The following CLVS1 variants were observed in gnomAD, a reference collection of about 807,000 sequenced individuals.
CLVS1 encodes clavesin 1, also known as clavesin-1.
Under a neutral mutation model 33.1 loss-of-function variants are expected in CLVS1, and 10 were observed. The observed-to-expected ratio is 0.30, with a 90% confidence interval of 0.19 to 0.51. The LOEUF is 0.51. Ranked by LOEUF, CLVS1 falls within the 20% of genes least tolerant of loss-of-function variation. The pLI, the probability that CLVS1 is intolerant of heterozygous loss-of-function variation, is 0.97. For synonymous variants in CLVS1, 163 were observed against 166.1 expected, an observed-to-expected ratio of 0.98 and a Z score of 0.14; for missense variants, 343 against 433.4, an observed-to-expected ratio of 0.79 and a Z score of 1.85.
intron 5 of CLVS1, among the ~76,000 whole-genome samples, chr8:61,475,138 A>G (rs1273228969): frequency 1.3e-5 from 2 of 152,140 alleles, no homozygotes; most frequent in African/African-American, 4.8e-5. Flanking sequence ...ATCATTTTTT[A>G]TGGCTGCATA....
At chr8:61,135,741 G>A (rs1286417957) in intron 2 of CLVS1, among the ~76,000 whole-genome samples, 6 of 152,184 alleles carry the variant, frequency 3.9e-5, no homozygotes, top group Admixed American at 6.5e-5. Context: ...TGATCTGGGG[G>A]TCTTTAGCAT....
chr8:61,396,971 A>C (rs1204742869), intron 3 of CLVS1, among the ~76,000 whole-genome samples: 1 of 152,186 alleles, frequency 6.6e-6, no homozygotes, highest in Non-Finnish European at 1.5e-5. Context: ...ACTGCAGGCT[A>C]TCATGAATAA....
At chr8:61,075,425 G>T (rs1485247441) in intron 1 of CLVS1, among the ~76,000 whole-genome samples, 3 of 152,168 alleles carry the variant, frequency 2.0e-5, no homozygotes, top group Non-Finnish European at 4.4e-5. Context: ...TCCAACATCT[G>T]CAAAGGCTGA....
intron 2 of CLVS1, among the ~76,000 whole-genome samples, chr8:61,165,961 G>T (rs1806854039): frequency 6.6e-6 from 1 of 150,882 alleles, no homozygotes; most frequent in African/African-American, 2.4e-5. Flanking sequence ...GCCAACCACA[G>T]GTTGGGAGCT....
chr8:61,282,896 T>G (rs967143161), intron 2 of CLVS1, among the ~76,000 whole-genome samples: 4 of 152,198 alleles, frequency 2.6e-5, no homozygotes, highest in Admixed American at 6.5e-5. Flanking sequence ...TATAGTACTC[T>G]GTTTTCATAG....
chr8:61,296,147 G>A (rs999923094), intron 1 of CLVS1, among the ~76,000 whole-genome samples: 6 of 152,108 alleles, frequency 3.9e-5, no homozygotes, highest in Non-Finnish European at 2.9e-5. Flanking sequence ...TATTTAAGTA[G>A]CAGTCTATTC....
the CLVS1 span, among the ~76,000 whole-genome samples, chr8:61,049,589 T>C: frequency 6.6e-6 from 1 of 152,248 alleles, no homozygotes; most frequent in South Asian, 2.1e-4. Flanking sequence ...AAAAACTTTC[T>C]ACTGGGACTA....
At chr8:61,243,256 A>T (rs368654917) in intron 2 of CLVS1, among the ~76,000 whole-genome samples, 1 of 152,244 alleles carries the variant, frequency 6.6e-6, no homozygotes, top group Non-Finnish European at 1.5e-5. Context: ...ATGTTATAAG[A>T]TACATATATA....
chr8:61,233,053 A>G (rs1449886821), intron 2 of CLVS1, among the ~76,000 whole-genome samples: 1 of 152,238 alleles, frequency 6.6e-6, no homozygotes, highest in Non-Finnish European at 1.5e-5. Context: ...ACACTTTTCA[A>G]AAACTCATTA....
chr8:61,415,835 G>A (rs919485962), intron 3 of CLVS1, among the ~76,000 whole-genome samples: 7 of 152,076 alleles, frequency 4.6e-5, no homozygotes, highest in South Asian at 2.1e-4. Flanking sequence ...ATCCACTGAC[G>A]GATAGGAAGA....
intron 2 of CLVS1, among the ~76,000 whole-genome samples, chr8:61,343,520 G>A (rs563373114): frequency 6.6e-6 from 1 of 152,304 alleles, no homozygotes; most frequent in East Asian, 1.9e-4. Flanking sequence ...TAAAGACAAT[G>A]TACTTGTACT....
chr8:61,309,993 G>A (rs1266057784), intron 2 of CLVS1, among the ~76,000 whole-genome samples: 1 of 152,170 alleles, frequency 6.6e-6, no homozygotes, highest in Non-Finnish European at 1.5e-5. Context: ...CTTGTAGCAT[G>A]AAAGGGGAAG....
chr8:61,394,068 C>T (rs1814416444), intron 3 of CLVS1, among the ~76,000 whole-genome samples: 1 of 152,182 alleles, frequency 6.6e-6, no homozygotes, highest in South Asian at 2.1e-4. Context: ...GAATGATAGC[C>T]TGGCACGGTG....
chr8:61,292,936 A>G (rs1356101306), intron 1 of CLVS1, among the ~76,000 whole-genome samples: 14 of 152,186 alleles, frequency 9.2e-5, no homozygotes, highest in Admixed American at 9.2e-4. Flanking sequence ...CCTGAGTTGC[A>G]GTCTGTTCTA....
At chr8:61,118,588 T>A (rs1274817130) in intron 1 of CLVS1, among the ~76,000 whole-genome samples, 2 of 151,646 alleles carry the variant, frequency 1.3e-5, no homozygotes, top group Admixed American at 1.3e-4. Context: ...TTCTCATTGG[T>A]TTCAAAGAAC....
chr8:61,392,935 G>A (rs1285464649), intron 3 of CLVS1, among the ~76,000 whole-genome samples: 1 of 152,086 alleles, frequency 6.6e-6, no homozygotes, highest in Non-Finnish European at 1.5e-5. Flanking sequence ...CCAGGCTGGA[G>A]TGCAATTGTG....
At chr8:61,011,654 G>A in the CLVS1 span, among the ~76,000 whole-genome samples, 1 of 152,018 alleles carries the variant, frequency 6.6e-6, no homozygotes, top group Non-Finnish European at 1.5e-5. Flanking sequence ...TCACTCTGTT[G>A]ACCAGGCTGG....
chr8:61,270,462 G>C (rs1809413464), intron 2 of CLVS1, among the ~76,000 whole-genome samples: 1 of 152,268 alleles, frequency 6.6e-6, no homozygotes, highest in African/African-American at 2.4e-5. Flanking sequence ...CAAGGATATT[G>C]GTCTAAAATT....
chr8:61,195,179 CAA>C (rs1372206093), intron 2 of CLVS1, among the ~76,000 whole-genome samples: 1 of 151,420 alleles, frequency 6.6e-6, no homozygotes, highest in Non-Finnish European at 1.5e-5. Context: ...GAGCAAATAA[CAA>C]GAGCAAAAAT....
Sources: allele counts gnomAD v4.1 joint callset (sites outside exome capture counted in the v4.1 genomes callset), GRCh38; gene constraint gnomAD v4.1.1; transcripts MANE v1.5; gene names NCBI Gene and HGNC (gene_info 2026-07-23, HGNC 2026-07-21).